Variants in XPR1 observed in about 807,000 individuals in gnomAD.
XPR1 encodes the protein xenotropic and polytropic retrovirus receptor 1.
A neutral mutation model predicts 87.5 loss-of-function variants in XPR1; 28 were observed. The ratio of observed to expected loss-of-function variants is 0.32; its 90% CI spans 0.24 to 0.44. XPR1 has a LOEUF of 0.44. XPR1 is among the 20% of genes least tolerant of loss of function. The pLI is 1.00. For missense variants in XPR1, 559 were observed against 862.3 expected (o/e 0.65, Z 4.41); for synonymous variants, 300 against 306.1 (o/e 0.98, Z 0.21).
At chr1:180,757,995 T>A (rs1647823202) in intron 2 of XPR1, among the ~76,000 whole-genome samples, 1 of 150,036 alleles carries the variant, frequency 6.7e-6, no homozygotes, top group Admixed American at 6.7e-5. Context: ...TTGGAGAAAC[T>A]GGATAGTAGT....
chr1:180,749,154 C>T (rs766335024), intron 2 of XPR1, among the ~76,000 whole-genome samples: 6 of 152,170 alleles, frequency 3.9e-5, no homozygotes, highest in Non-Finnish European at 2.9e-5. Context: ...GCTATGACTG[C>T]ATCACTGCAC....
chr1:180,659,224 T>C (rs181144720), intron 1 of XPR1, among the ~76,000 whole-genome samples: 93 of 68,328 alleles, frequency 1.4e-3, no homozygotes, highest in Non-Finnish European at 1.9e-3. Context: ...CTTCCTTCCT[T>C]CCTTCCTTCC....
intron 7 of XPR1, among the ~76,000 whole-genome samples, chr1:180,811,980 T>A (rs1039854989): frequency 6.6e-6 from 1 of 152,172 alleles, no homozygotes; most frequent in Non-Finnish European, 1.5e-5. Flanking sequence ...TAGAAAGAGA[T>A]AGGAAGGATT....
intron 2 of XPR1, among the ~76,000 whole-genome samples, chr1:180,711,059 G>A (rs1298639749): frequency 5.9e-5 from 6 of 101,196 alleles, no homozygotes; most frequent in Non-Finnish European, 1.4e-4. Flanking sequence ...CAGACGGGGC[G>A]GCCGGGCAGA....
chr1:180,644,742 CA>C (rs1190728616), intron 1 of XPR1, among the ~76,000 whole-genome samples: 5 of 151,858 alleles, frequency 3.3e-5, no homozygotes, highest in South Asian at 2.1e-4. Context: ...TTCCACATAC[CA>C]GGGGGAGGGG....
chr1:180,853,626 G>GACACAC (rs143320476), intron 11 of XPR1, among the ~76,000 whole-genome samples: 2,090 of 140,316 alleles, frequency 0.015, 21 homozygotes, highest in African/African-American at 0.024. Flanking sequence ...TTAGACTATA[G>GACACAC]ACACACACAC....
chr1:180,670,382 A>AT (rs2101930044), intron 1 of XPR1, among the ~76,000 whole-genome samples: 1 of 152,200 alleles, frequency 6.6e-6, no homozygotes, highest in South Asian at 2.1e-4. Flanking sequence ...TGTGTGGACT[A>AT]TAAATATTTT....
At chr1:180,644,492 T>C (rs1165972452) in intron 1 of XPR1, among the ~76,000 whole-genome samples, 1 of 151,980 alleles carries the variant, frequency 6.6e-6, no homozygotes, top group Non-Finnish European at 1.5e-5. Flanking sequence ...TCTCATCTAT[T>C]GTATGTGAAG....
In XPR1 at chr1:180,632,022, A is replaced by G. The variant is rs1030599664; in HGVS notation, c.-180A>G. The stretch of plus-strand genomic sequence containing the variant: ...CCAGAGGGCGGGGAGGGGCGGGGCT[A>G]TGGAGAGGAGGAGGAAGATGGCGGG... On this transcript the variant is annotated 5_prime_UTR_variant, in exon 1 of 15. It removes an upstream start codon present in the reference 5' UTR. Coordinates refer to ENST00000367590, the MANE Select transcript of XPR1 (RefSeq NM_004736.4). The G allele has an allele frequency of 1.6e-5, 11 of 689,416 alleles. No homozygotes were observed. The highest frequency in any genetic ancestry group is 8.8e-5 in the Admixed American group (4 of 45,708). 42.7% of individuals were successfully genotyped at this position (689,416 alleles called of 1,614,324 possible). A position where few individuals can be genotyped will look rare whatever the true frequency, so the allele number is the denominator to read the frequency against.
At chr1:180,838,773 A>C (rs974379200) in intron 11 of XPR1, among the ~76,000 whole-genome samples, 11 of 152,154 alleles carry the variant, frequency 7.2e-5, no homozygotes, top group Non-Finnish European at 1.5e-4. Flanking sequence ...CTGTTGAACT[A>C]TAATGTATCT....
In XPR1 at chr1:180,880,825, T is replaced by TA. The variant is rs556032940; in HGVS notation, c.2030+531dup. Among the ~76,000 whole-genome samples, 667 of 136,012 alleles carry TA rather than the reference T, an allele frequency of 4.9e-3. 3 individuals are homozygous for TA. Among genetic ancestry groups the TA allele is most frequent in the African/African-American group, 0.016 (629 of 38,740 alleles). The allele number at this position is 136,012 out of a possible 152,430, so 89.2% of individuals were successfully genotyped here. ...ACTATTACTATTTTTATCTTCTTATTAAATACCTACAACAATATTTTTATC... is the reference window on the plus strand; with the variant it reads ...ACTATTACTATTTTTATCTTCTTATTAAAATACCTACAACAATATTTTTATC... On this transcript the variant is annotated intron_variant, in intron 14 of 14. Coordinates refer to ENST00000367590, the MANE Select transcript of XPR1 (RefSeq NM_004736.4).
chr1:180,814,850 T>C (rs2102136401), intron 7 of XPR1, among the ~76,000 whole-genome samples: 1 of 152,242 alleles, frequency 6.6e-6, no homozygotes, highest in Non-Finnish European at 1.5e-5. Flanking sequence ...TCAAAGCCAT[T>C]TCGAGAGAAG....
chr1:180,827,542 G>A (rs573203419), intron 9 of XPR1, among the ~76,000 whole-genome samples: 3 of 152,222 alleles, frequency 2.0e-5, no homozygotes, highest in African/African-American at 7.2e-5. Context: ...ATGAGGACTT[G>A]TTGATGGAAT....
intron 2 of XPR1, among the ~76,000 whole-genome samples, chr1:180,709,398 A>G (rs1001597055): frequency 6.6e-6 from 1 of 152,190 alleles, no homozygotes; most frequent in South Asian, 2.1e-4. Context: ...GATAGTGAAC[A>G]TATCCATCAC....
rs537937905 is a variant in XPR1, at chr1:180,668,768, ATACT to A, written c.70-13590_70-13587del. Among the ~76,000 whole-genome samples, 9 of 152,248 alleles carry A rather than the reference ATACT, an allele frequency of 5.9e-5. No individual in the cohort carries two copies. In the South Asian group the frequency reaches 1.9e-3, roughly 32 times the overall value. ...TTTCATACTGTTATGATCAGAGAAAATACTTTCTTTGTATGATTATTTCTTTTAA... is the reference window on the plus strand; with the variant it reads ...TTTCATACTGTTATGATCAGAGAAAATTCTTTGTATGATTATTTCTTTTAA... On this transcript the variant is annotated intron_variant, in intron 1 of 14. Coordinates refer to ENST00000367590, the MANE Select transcript of XPR1 (RefSeq NM_004736.4).
chr1:180,722,172 A>G (rs747580457), intron 2 of XPR1, among the ~76,000 whole-genome samples: 1 of 152,074 alleles, frequency 6.6e-6, no homozygotes, highest in Non-Finnish European at 1.5e-5. Context: ...AGAGGCTGAG[A>G]TGGGAGGATG....
intron 7 of XPR1, among the ~76,000 whole-genome samples, chr1:180,812,624 G>A (rs964364389): frequency 6.6e-5 from 10 of 150,540 alleles, no homozygotes; most frequent in African/African-American, 2.4e-4. Context: ...CTTGGCCAGT[G>A]CCACTCTTGT....
At chr1:180,643,507 C>G (rs1301516213) in intron 1 of XPR1, among the ~76,000 whole-genome samples, 9 of 152,124 alleles carry the variant, frequency 5.9e-5, no homozygotes, top group Admixed American at 5.9e-4. Flanking sequence ...TTGTCAGTGT[C>G]CATCATCTAG....
chr1:180,776,794 T>C (rs916535696), intron 2 of XPR1, among the ~76,000 whole-genome samples: 1 of 152,278 alleles, frequency 6.6e-6, no homozygotes, highest in African/African-American at 2.4e-5. Flanking sequence ...TAGCTTGGAT[T>C]GTATTGTATC....
Sources: gnomAD v4.1 joint callset for allele counts (sites outside exome capture counted in the v4.1 genomes callset) on GRCh38, gnomAD v4.1.1 for gene constraint, MANE v1.5 for transcripts, NCBI Gene and HGNC (gene_info 2026-07-23, HGNC 2026-07-21) for gene names.